CIRSR: variants seen among roughly 807,000 people sequenced by gnomAD.
CIRSR encodes corepressor of RBPJ and splicing regulator.
chr2:174,349,409 A>AG, the CIRSR span, among the ~76,000 whole-genome samples: 1 of 152,038 alleles, frequency 6.6e-6, no homozygotes, highest in Non-Finnish European at 1.5e-5. Context: ...TAGTAAAAAT[A>AG]CAAAAATTAG....
the CIRSR span, among the ~76,000 whole-genome samples, chr2:174,373,435 GGAAAACATTAGCCTTCT>G: frequency 6.6e-6 from 1 of 152,142 alleles, no homozygotes; most frequent in East Asian, 1.9e-4. Context: ...GGAGTACAAA[GGAAAACATTAGCCTTCT>G]GAAGAATATC....
the CIRSR span, chr2:174,369,853 G>C: frequency 9.2e-7 from 1 of 1,091,802 alleles, no homozygotes. Context: ...AGATCACTGA[G>C]CACAGATCAC....
At chr2:174,353,226 C>T in the CIRSR span, among the ~76,000 whole-genome samples, 1 of 151,990 alleles carries the variant, frequency 6.6e-6, no homozygotes, top group South Asian at 2.1e-4. Flanking sequence ...GAAAAAAAGC[C>T]TTATTTAGTT....
At chr2:174,390,409 T>C in the CIRSR span, among the ~76,000 whole-genome samples, 1 of 152,232 alleles carries the variant, frequency 6.6e-6, no homozygotes, top group Non-Finnish European at 1.5e-5. Flanking sequence ...GGGATGGGTG[T>C]ATTTACCCAA....
the CIRSR span, among the ~76,000 whole-genome samples, chr2:174,368,598 T>C: frequency 6.6e-6 from 1 of 152,180 alleles, no homozygotes; most frequent in Non-Finnish European, 1.5e-5. Flanking sequence ...GCAGGAGGAC[T>C]GCTTGAGCCC....
chr2:174,354,743 A>G, the CIRSR span, among the ~76,000 whole-genome samples: 1 of 102,032 alleles, frequency 9.8e-6, no homozygotes, highest in African/African-American at 3.6e-5. Flanking sequence ...TATATTTTAC[A>G]TATGTATATA....
At chr2:174,363,694 G>A in the CIRSR span, among the ~76,000 whole-genome samples, 1 of 152,198 alleles carries the variant, frequency 6.6e-6, no homozygotes, top group Non-Finnish European at 1.5e-5. Flanking sequence ...GTCTTACATG[G>A]ATGGCAGCAG....
the CIRSR span, chr2:174,369,907 C>A: frequency 7.6e-7 from 1 of 1,310,586 alleles, no homozygotes; most frequent in Non-Finnish European, 1.0e-6. Context: ...GCAATAATTA[C>A]CAAAAATGTG....
chr2:174,374,291 C>T, the CIRSR span, among the ~76,000 whole-genome samples: 4 of 152,168 alleles, frequency 2.6e-5, no homozygotes, highest in Non-Finnish European at 5.9e-5. Flanking sequence ...AGTCCCACCT[C>T]CTCTATTAGC....
At chr2:174,372,823 T>A in the CIRSR span, among the ~76,000 whole-genome samples, 1 of 152,160 alleles carries the variant, frequency 6.6e-6, no homozygotes, top group Admixed American at 6.5e-5. Context: ...CTCAGATGAT[T>A]TGGCTGCCTT....
the CIRSR span, among the ~76,000 whole-genome samples, chr2:174,384,264 CAGA>C: frequency 6.6e-6 from 1 of 152,088 alleles, no homozygotes; most frequent in Non-Finnish European, 1.5e-5. Context: ...TGAAACAAGC[CAGA>C]CACAAAGGAA....
the CIRSR span, among the ~76,000 whole-genome samples, chr2:174,355,811 G>A: frequency 1.3e-5 from 2 of 152,104 alleles, no homozygotes; most frequent in African/African-American, 4.8e-5. Flanking sequence ...AAAAGTTCTG[G>A]CTATGAGGAA....
chr2:174,386,114 T>C, the CIRSR span, among the ~76,000 whole-genome samples: 1 of 152,210 alleles, frequency 6.6e-6, no homozygotes. Context: ...ACTCAACAAC[T>C]GTTTCCTGAA....
chr2:174,368,574 T>C, the CIRSR span, among the ~76,000 whole-genome samples: 4 of 152,188 alleles, frequency 2.6e-5, no homozygotes, highest in Non-Finnish European at 5.9e-5. Context: ...ATCCCAGCAC[T>C]TTGGGAGACC....
At chr2:174,373,017 C>T in the CIRSR span, among the ~76,000 whole-genome samples, 1 of 152,186 alleles carries the variant, frequency 6.6e-6, no homozygotes, top group African/African-American at 2.4e-5. Flanking sequence ...ATGTACTTTG[C>T]TCCCAAATCG....
the CIRSR span, among the ~76,000 whole-genome samples, chr2:174,366,126 A>G: frequency 6.6e-6 from 1 of 152,204 alleles, no homozygotes; most frequent in Non-Finnish European, 1.5e-5. Context: ...AGGAGGAAGG[A>G]ACCAGTGGGC....
the CIRSR span, among the ~76,000 whole-genome samples, chr2:174,389,466 T>G: frequency 6.6e-6 from 1 of 152,064 alleles, no homozygotes; most frequent in Admixed American, 6.5e-5. Context: ...AGAGATGACT[T>G]AAGGTATCCG....
chr2:174,348,314 A>T, the CIRSR span: 1 of 899,914 alleles, frequency 1.1e-6, no homozygotes, highest in Non-Finnish European at 1.6e-6. Context: ...ATTCATTCTT[A>T]TAGTACTCAT....
At chr2:174,376,371 A>T in the CIRSR span, among the ~76,000 whole-genome samples, 2 of 152,208 alleles carry the variant, frequency 1.3e-5, 1 homozygote, top group Non-Finnish European at 2.9e-5. Context: ...TTTCTACTTC[A>T]TTCACTTGAT....
Sources: gnomAD v4.1 joint callset for allele counts (sites outside exome capture counted in the v4.1 genomes callset) on GRCh38, gnomAD v4.1.1 for gene constraint, MANE v1.5 for transcripts, NCBI Gene and HGNC (gene_info 2026-07-23, HGNC 2026-07-21) for gene names.